The following NCAM2 variants were observed in gnomAD, a reference collection of about 807,000 sequenced individuals.
NCAM2 encodes N-CAM-2.
A neutral mutation model predicts 98.1 loss-of-function variants in NCAM2; 30 were observed. The observed-to-expected ratio is 0.31, with a 90% CI of 0.23 to 0.41. The LOEUF (loss-of-function observed/expected upper bound fraction) is 0.41. NCAM2 is among the 10% of genes least tolerant of loss of function. The pLI is 1.00. For synonymous variants in NCAM2, 368 were observed against 342.4 expected (o/e 1.07, Z -0.83); for missense variants, 867 against 1,005.8 (o/e 0.86, Z 1.87).
chr21:21,357,578 A>T (rs1397231895), intron 8 of NCAM2, among the ~76,000 whole-genome samples: 10 of 152,126 alleles, frequency 6.6e-5, no homozygotes, highest in Admixed American at 6.6e-4. Flanking sequence ...AAAAAGTGGC[A>T]TATTTATAGC....
chr21:21,299,952 C>G (rs998067515), intron 5 of NCAM2, among the ~76,000 whole-genome samples: 1 of 151,888 alleles, frequency 6.6e-6, no homozygotes, highest in Non-Finnish European at 1.5e-5. Flanking sequence ...TTTAAATCAG[C>G]TCTAGATTAG....
At chr21:21,309,551 A>G (rs1386086615) in intron 5 of NCAM2, among the ~76,000 whole-genome samples, 1 of 152,110 alleles carries the variant, frequency 6.6e-6, no homozygotes, top group Non-Finnish European at 1.5e-5. Flanking sequence ...ATTCTTTTGC[A>G]CAGTTCTTTC....
intron 12 of NCAM2, among the ~76,000 whole-genome samples, chr21:21,453,964 A>G (rs568050921): frequency 8.5e-5 from 13 of 152,170 alleles, no homozygotes; most frequent in African/African-American, 1.7e-4. Context: ...TCAGCGTCCT[A>G]TGAATGTTCT....
At chr21:21,030,951 T>TA (rs148221926) in intron 1 of NCAM2, among the ~76,000 whole-genome samples, 42,004 of 151,990 alleles carry the variant, frequency 0.28, 6,124 homozygotes, top group African/African-American at 0.38. Context: ...GAATTTAAAA[T>TA]AAAAAAGATA....
At chr21:21,115,617 C>A (rs1274315614) in intron 1 of NCAM2, among the ~76,000 whole-genome samples, 3 of 152,086 alleles carry the variant, frequency 2.0e-5, no homozygotes, top group Non-Finnish European at 4.4e-5. Flanking sequence ...GTCTTTGTTT[C>A]TGATTACAGT....
At chr21:21,166,261 G>T (rs2067947856) in intron 1 of NCAM2, among the ~76,000 whole-genome samples, 1 of 152,178 alleles carries the variant, frequency 6.6e-6, no homozygotes, top group Non-Finnish European at 1.5e-5. Flanking sequence ...AGGCTGGAGT[G>T]CAGTGGCGCC....
intron 1 of NCAM2, among the ~76,000 whole-genome samples, chr21:21,275,661 T>G (rs945770114): frequency 6.6e-6 from 1 of 152,096 alleles, no homozygotes; most frequent in Non-Finnish European, 1.5e-5. Context: ...TTGACTTTTC[T>G]CCTTTATCAC....
At chr21:21,334,305 G>A (rs544457685) in intron 6 of NCAM2, among the ~76,000 whole-genome samples, 128 of 152,140 alleles carry the variant, frequency 8.4e-4, no homozygotes, top group Middle Eastern at 3.4e-3. Flanking sequence ...GTACTTCATG[G>A]TACATTTAGA....
At chr21:21,331,578 T>TATATATAGAGAG (rs1444969281) in intron 6 of NCAM2, among the ~76,000 whole-genome samples, 1 of 2,150 alleles carries the variant, frequency 4.7e-4, no homozygotes, top group Non-Finnish European at 4.5e-3. Context: ...CATATATATA[T>TATATATAGAGAG]AGAGAGAGAG....
intron 1 of NCAM2, among the ~76,000 whole-genome samples, chr21:21,238,059 G>A (rs1429624926): frequency 6.7e-6 from 1 of 149,212 alleles, no homozygotes. Context: ...GGGTTCAAGC[G>A]ATTCTCCTGC....
intron 17 of NCAM2, among the ~76,000 whole-genome samples, chr21:21,534,882 G>A (rs1989900391): frequency 6.6e-6 from 1 of 152,014 alleles, no homozygotes; most frequent in Non-Finnish European, 1.5e-5. Flanking sequence ...CCATATATCT[G>A]TAATTTAATG....
chr21:21,366,513 C>T (rs1240936233), intron 8 of NCAM2, among the ~76,000 whole-genome samples: 2 of 152,036 alleles, frequency 1.3e-5, no homozygotes, highest in African/African-American at 4.8e-5. Flanking sequence ...TGTCATAATT[C>T]TTCAGTAAAA....
intron 1 of NCAM2, among the ~76,000 whole-genome samples, chr21:21,069,236 T>C (rs28637196): frequency 0.037 from 5,642 of 152,290 alleles, 327 homozygotes; most frequent in African/African-American, 0.13. Flanking sequence ...AGGTGATTTA[T>C]TAATATGTAC....
intron 8 of NCAM2, among the ~76,000 whole-genome samples, chr21:21,370,177 C>T (rs1469644963): frequency 6.6e-6 from 1 of 151,830 alleles, no homozygotes; most frequent in African/African-American, 2.4e-5. Flanking sequence ...TCTTCCTCAC[C>T]TTTGTCTACC....
chr21:21,177,747 T>C (rs2068341464), intron 1 of NCAM2, among the ~76,000 whole-genome samples: 1 of 150,390 alleles, frequency 6.6e-6, no homozygotes, highest in East Asian at 2.0e-4. Context: ...CTCTCCCTCC[T>C]TTCCCTTCCC....
chr21:21,451,116 A>T (rs1980997772), intron 12 of NCAM2, among the ~76,000 whole-genome samples: 2 of 152,148 alleles, frequency 1.3e-5, no homozygotes, highest in Admixed American at 1.3e-4. Flanking sequence ...GCAGTATGAC[A>T]TCAGTCACGC....
chr21:21,019,803 C>T (rs746763993), intron 1 of NCAM2, among the ~76,000 whole-genome samples: 34 of 152,048 alleles, frequency 2.2e-4, no homozygotes, highest in Admixed American at 2.0e-4. Flanking sequence ...ATTCAGTTTT[C>T]GCATACTTCG....
intron 16 of NCAM2, among the ~76,000 whole-genome samples, chr21:21,518,749 G>A (rs769541582): frequency 1.7e-4 from 26 of 152,120 alleles, no homozygotes; most frequent in Non-Finnish European, 3.2e-4. Flanking sequence ...ATAAATGCCA[G>A]GTTATAAGCA....
intron 1 of NCAM2, among the ~76,000 whole-genome samples, chr21:21,170,881 C>G (rs2068100801): frequency 6.6e-6 from 1 of 152,040 alleles, no homozygotes; most frequent in Admixed American, 6.6e-5. Flanking sequence ...TATGGGAACT[C>G]TCTGCACTTT....
Sources: allele counts gnomAD v4.1 joint callset (sites outside exome capture counted in the v4.1 genomes callset), GRCh38; gene constraint gnomAD v4.1.1; transcripts MANE v1.5; gene names NCBI Gene and HGNC (gene_info 2026-07-23, HGNC 2026-07-21).